MEF2A: variants seen among roughly 807,000 people sequenced by gnomAD.
MEF2A encodes the protein myocyte enhancer factor 2A, also known as myocyte-specific enhancer factor 2A.
A neutral mutation model predicts 55.8 loss-of-function variants in MEF2A; 28 were observed. The ratio of observed to expected loss-of-function variants is 0.50; its 90% CI spans 0.37 to 0.69. MEF2A has a LOEUF of 0.69. Among genes scored for constraint, MEF2A ranks in the 30% least tolerant of loss-of-function variants. The pLI is 0.00. For missense variants in MEF2A, 528 were observed against 626.2 expected, an observed-to-expected ratio of 0.84 and a Z score of 1.67; for synonymous variants, 239 against 227.1, an observed-to-expected ratio of 1.05 and a Z score of -0.47.
intron 2 of MEF2A, among the ~76,000 whole-genome samples, chr15:99,623,479 T>C (rs551818585): frequency 3.1e-4 from 47 of 152,342 alleles, no homozygotes; most frequent in Admixed American, 1.9e-3. Context: ...AACGCCATAC[T>C]GTTTTCCATA....
chr15:99,594,041 C>T (rs1233126250), intron 1 of MEF2A, among the ~76,000 whole-genome samples: 1 of 152,126 alleles, frequency 6.6e-6, no homozygotes, highest in South Asian at 2.1e-4. Flanking sequence ...CTCCAGTGGA[C>T]ACCAGCTGGA....
intron 10 of MEF2A, among the ~76,000 whole-genome samples, chr15:99,708,179 A>G (rs2153816835): frequency 6.6e-6 from 1 of 152,336 alleles, no homozygotes; most frequent in African/African-American, 2.4e-5. Flanking sequence ...GCTTTCTCCA[A>G]GTTTATTCCA....
At chr15:99,573,662 AG>A (rs919717566) in intron 1 of MEF2A, among the ~76,000 whole-genome samples, 2 of 152,212 alleles carry the variant, frequency 1.3e-5, no homozygotes, top group Non-Finnish European at 2.9e-5. Context: ...CTCCAAGTTG[AG>A]GGGGGAACCT....
intron 8 of MEF2A, among the ~76,000 whole-genome samples, chr15:99,699,652 GAACCTGGTCTAAGT>G (rs2057066679): frequency 6.6e-6 from 1 of 152,218 alleles, no homozygotes; most frequent in Admixed American, 6.5e-5. Context: ...GAGGAAGCAA[GAACCTGGTCTAAGT>G]AACTTTGGAA....
intron 2 of MEF2A, among the ~76,000 whole-genome samples, chr15:99,603,989 A>C (rs1234975247): frequency 6.6e-6 from 1 of 152,134 alleles, no homozygotes; most frequent in Non-Finnish European, 1.5e-5. Context: ...GTCACTATTA[A>C]ATTTTGTGAA....
At chr15:99,647,809 TAGA>T (rs1456837926) in intron 4 of MEF2A, among the ~76,000 whole-genome samples, 3 of 152,180 alleles carry the variant, frequency 2.0e-5, no homozygotes, top group South Asian at 2.1e-4. Flanking sequence ...ATACAGTAGA[TAGA>T]AGACACATTA....
chr15:99,615,151 G>GT (rs1036330037), intron 2 of MEF2A, among the ~76,000 whole-genome samples: 2 of 152,160 alleles, frequency 1.3e-5, no homozygotes, highest in Non-Finnish European at 2.9e-5. Flanking sequence ...GGCTTGGTGT[G>GT]TTTGGTTTAA....
chr15:99,712,549 A>ACCGCAGCCCCAGCCACAACCC lies in MEF2A; in HGVS notation c.1311_1331dup (p.Gln438_Pro444dup), dbSNP rs759225577. 9.0e-6 allele frequency: 14 copies of ACCGCAGCCCCAGCCACAACCC among 1,550,174 alleles called. No individual in the cohort carries two copies. Among genetic ancestry groups the ACCGCAGCCCCAGCCACAACCC allele is most frequent in the Admixed American group, 2.0e-5 (1 of 50,938 alleles). ...AGCAGCAGCAGCAGCCGCCGCCACC[A>ACCGCAGCCCCAGCCACAACCC]CCGCAGCCCCAGCCACAACCCCCGC... On this transcript the variant is annotated inframe_insertion, in exon 12 of 12. Transcript: ENST00000557942. The surrounding 1 kb of genome is among the most constrained non-coding windows in gnomAD (Gnocchi z 4.1).
At position 99,671,433 on chromosome 15, in the gene MEF2A, T is replaced by C; in HGVS notation, c.369T>C (p.Asp123=). 1 of 1,613,968 alleles carries C rather than the reference T, an allele frequency of 6.2e-7. No homozygotes were observed. The highest frequency in any genetic ancestry group is 8.5e-7 in the Non-Finnish European group (1 of 1,179,838). ...TCAGCAAACTAAATGAAGATAGTGA[T>C]TTTATTTTCAAACGAGGCCCTGTAA... ...DRFSKLNEDS[D]FIFKRGPPGL... Residue 123 remains aspartate, a synonymous_variant, in exon 5 of 12, where the codon GAT becomes GAC. Transcript: ENST00000557942.
At chr15:99,574,724 C>G (rs902054756) in intron 1 of MEF2A, among the ~76,000 whole-genome samples, 1 of 152,212 alleles carries the variant, frequency 6.6e-6, no homozygotes, top group African/African-American at 2.4e-5. Context: ...GGTTCACTCA[C>G]TGGCATGCCG....
chr15:99,683,098 C>T (rs2053542616), intron 7 of MEF2A, among the ~76,000 whole-genome samples: 3 of 152,198 alleles, frequency 2.0e-5, no homozygotes, highest in Admixed American at 2.0e-4. Flanking sequence ...CATATATGAT[C>T]TCTACTCGAC....
intron 2 of MEF2A, among the ~76,000 whole-genome samples, chr15:99,622,287 A>G (rs1006398494): frequency 6.6e-6 from 1 of 152,054 alleles, no homozygotes; most frequent in Non-Finnish European, 1.5e-5. Flanking sequence ...AGGACTTGGG[A>G]TTTAATTGGA....
At chr15:99,668,069 A>C (rs1241828290) in intron 4 of MEF2A, among the ~76,000 whole-genome samples, 2 of 152,184 alleles carry the variant, frequency 1.3e-5, no homozygotes, top group African/African-American at 2.4e-5. Context: ...CAAAAAAAAA[A>C]CTGTTAAAAT....
intron 7 of MEF2A, among the ~76,000 whole-genome samples, chr15:99,687,078 A>ATTT (rs1232619647): frequency 1.3e-5 from 1 of 78,698 alleles, no homozygotes; most frequent in African/African-American, 5.0e-5. Flanking sequence ...TGTCCTATTA[A>ATTT]TTTTTCTTTT....
At chr15:99,685,087 A>C (rs2053958467) in intron 7 of MEF2A, among the ~76,000 whole-genome samples, 1 of 152,168 alleles carries the variant, frequency 6.6e-6, no homozygotes, top group African/African-American at 2.4e-5. Context: ...CTTTTCTGGT[A>C]ACTATAGTCT....
At chr15:99,626,265 G>A (rs1056963802) in intron 2 of MEF2A, among the ~76,000 whole-genome samples, 1 of 152,030 alleles carries the variant, frequency 6.6e-6, no homozygotes, top group African/African-American at 2.4e-5. Context: ...CTGTTTATAA[G>A]TACCCTCTTA....
intron 3 of MEF2A, among the ~76,000 whole-genome samples, chr15:99,639,318 A>G (rs1460733620): frequency 6.6e-6 from 1 of 152,088 alleles, no homozygotes; most frequent in African/African-American, 2.4e-5. Flanking sequence ...ATTTTTTAAC[A>G]GGTATTATTT....
intron 2 of MEF2A, among the ~76,000 whole-genome samples, chr15:99,624,647 A>G (rs1466950848): frequency 6.6e-6 from 1 of 152,096 alleles, no homozygotes; most frequent in Non-Finnish European, 1.5e-5. Flanking sequence ...TATTTTGGCT[A>G]TTTGGAGTCC....
chr15:99,570,575 G>C (rs1390975490), intron 1 of MEF2A, among the ~76,000 whole-genome samples: 1 of 152,182 alleles, frequency 6.6e-6, no homozygotes, highest in Non-Finnish European at 1.5e-5. Context: ...TGTGCAGGTT[G>C]ACGTGGATTC....
Sources: gnomAD v4.1 joint callset for allele counts (sites outside exome capture counted in the v4.1 genomes callset) on GRCh38, gnomAD v4.1.1 for gene constraint, Gnocchi (gnomAD v3.1) non-coding constraint, MANE v1.5 for transcripts, NCBI Gene and HGNC (gene_info 2026-07-23, HGNC 2026-07-21) for gene names.